The following RERE variants were observed in gnomAD, a reference collection of about 807,000 sequenced individuals.
RERE encodes the protein arginine-glutamic acid dipeptide repeats, also known as arginine-glutamic acid dipeptide repeats protein.
RERE carries 40 observed loss-of-function variants against 146.1 expected under a neutral mutation model. The observed-to-expected ratio is 0.27, with a 90% CI of 0.21 to 0.36. The LOEUF is 0.36. RERE is among the 10% of genes least tolerant of loss of function. The pLI is 1.00. For synonymous variants in RERE, 1,003 were observed against 866.0 expected (o/e 1.16, Z -2.78); for missense variants, 1,933 against 2,138.7 (o/e 0.90, Z 1.90).
chr1:8,543,376 C>T (rs1645822043), intron 6 of RERE, among the ~76,000 whole-genome samples: 1 of 152,332 alleles, frequency 6.6e-6, no homozygotes, highest in Middle Eastern at 3.4e-3. Flanking sequence ...ATAGAGATAA[C>T]ACCTACTGCA....
intron 4 of RERE, among the ~76,000 whole-genome samples, chr1:8,559,291 A>G (rs1467260496): frequency 2.8e-5 from 4 of 143,802 alleles, no homozygotes; most frequent in Non-Finnish European, 6.1e-5. Flanking sequence ...AAAAAAAAAA[A>G]AAAAAAAAAA....
At chr1:8,589,191 G>A (rs1192000370) in intron 4 of RERE, among the ~76,000 whole-genome samples, 2 of 151,762 alleles carry the variant, frequency 1.3e-5, no homozygotes, top group East Asian at 3.9e-4. Context: ...TGTAATCTCA[G>A]AACTTTGGAA....
chr1:8,732,262 C>T (rs2124489018), intron 1 of RERE, among the ~76,000 whole-genome samples: 1 of 152,218 alleles, frequency 6.6e-6, no homozygotes, highest in East Asian at 1.9e-4. Flanking sequence ...TGTCCTTCAA[C>T]CGTACTTCAT....
chr1:8,666,489 A>C (rs984654426), intron 1 of RERE, among the ~76,000 whole-genome samples: 1 of 152,228 alleles, frequency 6.6e-6, no homozygotes, highest in Non-Finnish European at 1.5e-5. Context: ...GGCACCCTAC[A>C]GCTGGGCGAC....
chr1:8,485,191 G>A (rs973462931), intron 10 of RERE, among the ~76,000 whole-genome samples: 3 of 152,138 alleles, frequency 2.0e-5, no homozygotes, highest in Admixed American at 6.5e-5. Context: ...GAGAAACCCC[G>A]TCTCTACTAA....
chr1:8,413,307 C>T (rs1167305935), intron 12 of RERE, among the ~76,000 whole-genome samples: 1 of 152,110 alleles, frequency 6.6e-6, no homozygotes, highest in East Asian at 1.9e-4. Flanking sequence ...GAATCAGAGT[C>T]AAGTCCAAGA....
chr1:8,806,714 G>C (rs530236459), intron 1 of RERE: 8 of 152,050 alleles, frequency 5.3e-5, no homozygotes, highest in African/African-American at 1.9e-4. Flanking sequence ...TCTTCCTCCG[G>C]GAGTTTGCAA....
At chr1:8,408,535 G>T (rs982892531) in intron 12 of RERE, among the ~76,000 whole-genome samples, 1 of 152,086 alleles carries the variant, frequency 6.6e-6, no homozygotes, top group African/African-American at 2.4e-5. Context: ...TTCTTAAAAC[G>T]ACTACTGTTT....
At chr1:8,420,951 A>G (rs1336581937) in intron 12 of RERE, among the ~76,000 whole-genome samples, 1 of 152,188 alleles carries the variant, frequency 6.6e-6, no homozygotes, top group Non-Finnish European at 1.5e-5. Context: ...GCAAAAAGAA[A>G]AACATAGTAG....
chr1:8,359,485 G>A (rs970398487), intron 19 of RERE, among the ~76,000 whole-genome samples: 3 of 152,242 alleles, frequency 2.0e-5, no homozygotes, highest in Non-Finnish European at 4.4e-5. Flanking sequence ...CCCAAAGGCT[G>A]CAGGAGAAGG....
chr1:8,524,930 A>G (rs182012444), intron 7 of RERE, among the ~76,000 whole-genome samples: 218 of 152,372 alleles, frequency 1.4e-3, no homozygotes, highest in African/African-American at 5.0e-3. Flanking sequence ...TTAAGAGAAT[A>G]GAATTCCAAG....
chr1:8,381,075 T>C (rs1415890611), intron 12 of RERE: 3 of 454,116 alleles, frequency 6.6e-6, no homozygotes, highest in South Asian at 4.7e-5. Flanking sequence ...TCCAGCTCTA[T>C]GTGCTGTCAT....
chr1:8,393,885 A>G (rs1642966457), intron 12 of RERE, among the ~76,000 whole-genome samples: 1 of 152,146 alleles, frequency 6.6e-6, no homozygotes. Context: ...AACTTCCTTC[A>G]TTTTTTGTTT....
intron 12 of RERE, among the ~76,000 whole-genome samples, chr1:8,402,020 G>A (rs113151244): frequency 0.021 from 3,128 of 152,118 alleles, 121 homozygotes; most frequent in African/African-American, 0.072. Context: ...ACAGGCGTGC[G>A]CCACCACACA....
intron 12 of RERE, chr1:8,380,859 G>A: frequency 2.2e-6 from 1 of 456,718 alleles, no homozygotes; most frequent in Non-Finnish European, 4.4e-6. Context: ...GCTGGACCTT[G>A]GAGTCCTGGT....
intron 7 of RERE, among the ~76,000 whole-genome samples, chr1:8,510,176 T>A (rs777719961): frequency 9.9e-5 from 15 of 152,092 alleles, no homozygotes; most frequent in Non-Finnish European, 2.1e-4. Flanking sequence ...CGAGGCAGCA[T>A]CTGTACCAAA....
At chr1:8,725,795 A>G (rs943384787) in intron 1 of RERE, among the ~76,000 whole-genome samples, 2 of 152,294 alleles carry the variant, frequency 1.3e-5, no homozygotes, top group Non-Finnish European at 2.9e-5. Context: ...CTGAAAATGC[A>G]TAGAAGGTTA....
intron 7 of RERE, among the ~76,000 whole-genome samples, chr1:8,509,847 C>T (rs11121194): frequency 0.59 from 89,316 of 152,098 alleles, 26,825 homozygotes; most frequent in East Asian, 0.83. Flanking sequence ...AAAGGAGGCA[C>T]ATGCTCTTGT....
At chr1:8,670,110 C>T (rs1638679274) in intron 1 of RERE, among the ~76,000 whole-genome samples, 1 of 152,126 alleles carries the variant, frequency 6.6e-6, no homozygotes, top group Non-Finnish European at 1.5e-5. Flanking sequence ...ATGTCTGAGC[C>T]ATTCTAACTG....
Sources: allele counts gnomAD v4.1 joint callset (sites outside exome capture counted in the v4.1 genomes callset), GRCh38; gene constraint gnomAD v4.1.1; transcripts MANE v1.5; gene names NCBI Gene and HGNC (gene_info 2026-07-23, HGNC 2026-07-21).